SIL1: variants seen among roughly 807,000 people sequenced by gnomAD.
SIL1 encodes SIL1 nucleotide exchange factor, also known as nucleotide exchange factor SIL1.
A neutral mutation model predicts 49.1 loss-of-function variants in SIL1; 40 were observed. The observed-to-expected ratio is 0.81, with a 90% CI of 0.63 to 1.06. The LOEUF (loss-of-function observed/expected upper bound fraction) is 1.06, where lower values mean the gene tolerates loss of function less well. Ranked by LOEUF, SIL1 falls within the 50% of genes least tolerant of loss-of-function variation. SIL1 has a pLI of 0.00. For missense variants in SIL1, 500 were observed against 572.6 expected (o/e 0.87, Z 1.29); for synonymous variants, 253 against 250.8 (o/e 1.01, Z -0.08).
At chr5:139,110,369 A>G (rs1770815799) in intron 3 of SIL1, among the ~76,000 whole-genome samples, 1 of 152,118 alleles carries the variant, frequency 6.6e-6, no homozygotes, top group Non-Finnish European at 1.5e-5. Context: ...CTGCCCAGAT[A>G]AACTCATTAT....
intron 3 of SIL1, among the ~76,000 whole-genome samples, chr5:139,074,287 G>A (rs1199935490): frequency 6.6e-6 from 1 of 152,146 alleles, no homozygotes; most frequent in Non-Finnish European, 1.5e-5. Flanking sequence ...GAACTCCTGG[G>A]TTCAAGCAAT....
chr5:139,071,740 T>C (rs1453143829), intron 3 of SIL1, among the ~76,000 whole-genome samples: 1 of 150,316 alleles, frequency 6.7e-6, no homozygotes, highest in Non-Finnish European at 1.5e-5. Context: ...CGATCTCAGC[T>C]CACTGCAACC....
chr5:139,155,443 C>CAGACTG (rs1554136146), intron 1 of SIL1: 1 of 68,094 alleles, frequency 1.5e-5, no homozygotes, highest in Non-Finnish European at 4.4e-5. Flanking sequence ...CACACGTACA[C>CAGACTG]AGAGTGAGAG....
chr5:139,095,109 G>T (rs958337828), intron 3 of SIL1, among the ~76,000 whole-genome samples: 2 of 152,098 alleles, frequency 1.3e-5, no homozygotes, highest in African/African-American at 4.8e-5. Context: ...CTTGATCACA[G>T]GTAGTACTTA....
At position 139,096,560 on chromosome 5, in the gene SIL1, G is replaced by A. The variant is rs567022766; in HGVS notation, c.244+24475C>T. ...CAAAAGAGGCCCCTTCCTTCTGCTT[G>A]AGAAGAAGAGAGAAAAGAGTGGGGA... On this transcript the variant is annotated intron_variant, in intron 3 of 9. Transcript: ENST00000394817. 4.6e-5 allele frequency among the ~76,000 whole-genome samples: 7 copies of A among 151,392 alleles called. No homozygotes were observed. The East Asian group carries it at 1.2e-3, about 26-fold the overall frequency.
Position 138,948,656 on chromosome 5 carries a change from G to A in SIL1, c.1030-1183C>T, listed in dbSNP as rs1005673618. Among the ~76,000 whole-genome samples, 10 of 152,072 alleles carry A rather than the reference G, an allele frequency of 6.6e-5. No homozygotes were observed. The highest frequency in any genetic ancestry group is 1.3e-4 in the Admixed American group (2 of 15,276). On this transcript the variant is annotated intron_variant, in intron 9 of 9. Transcript: ENST00000394817. The surrounding 1 kb of genome is among the most constrained non-coding windows in gnomAD (Gnocchi z 4.8). ...CCCGCATTGGCCCCATTCACTCCAC[G>A]GCTCCCTGCACACCTCACCGCCACT... is the stretch of plus-strand genomic sequence containing the variant.
intron 1 of SIL1, among the ~76,000 whole-genome samples, chr5:139,170,396 G>A (rs1440168192): frequency 7.9e-5 from 12 of 151,040 alleles, no homozygotes; most frequent in East Asian, 5.9e-4. Context: ...GTCTCTGCCC[G>A]GCCGCCATCC....
chr5:138,994,242 A>C (rs1767816435), intron 7 of SIL1, among the ~76,000 whole-genome samples: 1 of 152,220 alleles, frequency 6.6e-6, no homozygotes, highest in African/African-American at 2.4e-5. Context: ...ATTATCTACA[A>C]ATAACATCCA....
At chr5:139,163,147 T>C (rs1340332533) in intron 1 of SIL1, among the ~76,000 whole-genome samples, 1 of 151,756 alleles carries the variant, frequency 6.6e-6, no homozygotes, top group Non-Finnish European at 1.5e-5. Flanking sequence ...GATCGGAATA[T>C]GAAAGGCCTT....
chr5:139,121,879 T>C (rs1301476701), intron 2 of SIL1, among the ~76,000 whole-genome samples: 1 of 152,244 alleles, frequency 6.6e-6, no homozygotes, highest in African/African-American at 2.4e-5. Context: ...TGGAGCATTC[T>C]CAGCTCAGGA....
chr5:139,140,036 C>T (rs1235445183), intron 1 of SIL1, among the ~76,000 whole-genome samples: 7 of 150,480 alleles, frequency 4.7e-5, no homozygotes, highest in Non-Finnish European at 7.4e-5. Flanking sequence ...TTTGGGAGGC[C>T]GAGGCAGGTG....
intron 2 of SIL1, among the ~76,000 whole-genome samples, chr5:139,121,878 C>T (rs887723253): frequency 6.6e-6 from 1 of 152,216 alleles, no homozygotes; most frequent in Non-Finnish European, 1.5e-5. Context: ...CTGGAGCATT[C>T]TCAGCTCAGG....
chr5:138,982,854 A>G (rs757435689), intron 7 of SIL1, among the ~76,000 whole-genome samples: 8 of 152,170 alleles, frequency 5.3e-5, no homozygotes, highest in Admixed American at 2.6e-4. Flanking sequence ...AAGCCCTTAG[A>G]CATGACCACT....
chr5:138,989,456 T>C (rs1039790181), intron 7 of SIL1, among the ~76,000 whole-genome samples: 2 of 151,864 alleles, frequency 1.3e-5, no homozygotes, highest in Non-Finnish European at 2.9e-5. Flanking sequence ...ACGAACACCA[T>C]CAAGATTAGC....
chr5:139,052,522 A>G (rs1405146649), intron 3 of SIL1, among the ~76,000 whole-genome samples: 2 of 152,130 alleles, frequency 1.3e-5, no homozygotes, highest in Non-Finnish European at 2.9e-5. Context: ...CATCTCTACT[A>G]AAAATACAAA....
intron 3 of SIL1, among the ~76,000 whole-genome samples, chr5:139,064,523 T>C (rs1769658976): frequency 6.6e-6 from 1 of 152,248 alleles, no homozygotes; most frequent in Non-Finnish European, 1.5e-5. Context: ...TATAGGCAAC[T>C]TTAACAAAAC....
chr5:139,005,449 TCTTC>T (rs1383346107), intron 7 of SIL1, among the ~76,000 whole-genome samples: 6 of 150,368 alleles, frequency 4.0e-5, no homozygotes, highest in East Asian at 1.9e-4. Flanking sequence ...ATTTATTTTT[TCTTC>T]CTTTTTTTTT....
At chr5:139,187,465 C>T (rs182679153) in intron 1 of SIL1, among the ~76,000 whole-genome samples, 50 of 150,708 alleles carry the variant, frequency 3.3e-4, no homozygotes, top group African/African-American at 1.1e-3. Context: ...TGCAATGAGC[C>T]GAGATTGTGC....
chr5:138,971,057 G>A (rs940656082), intron 7 of SIL1, among the ~76,000 whole-genome samples: 2 of 152,190 alleles, frequency 1.3e-5, no homozygotes, highest in Admixed American at 6.5e-5. Flanking sequence ...ACTGGGAAGG[G>A]AACAGGTGGG....
Sources: gnomAD v4.1 joint callset for allele counts (sites outside exome capture counted in the v4.1 genomes callset) on GRCh38, gnomAD v4.1.1 for gene constraint, Gnocchi (gnomAD v3.1) non-coding constraint, MANE v1.5 for transcripts, NCBI Gene and HGNC (gene_info 2026-07-23, HGNC 2026-07-21) for gene names.